The following NAALADL2 variants were observed in gnomAD, a reference collection of about 807,000 sequenced individuals.
NAALADL2 encodes the protein N-acetylated alpha-linked acidic dipeptidase like 2.
Under a neutral mutation model 87.2 loss-of-function variants are expected in NAALADL2, and 76 were observed. That is an observed-to-expected ratio of 0.87 (90% CI 0.72 to 1.05). The LOEUF is 1.05. Ranked by LOEUF, NAALADL2 falls within the 50% of genes least tolerant of loss-of-function variation. NAALADL2 has a pLI of 0.00. For synonymous variants in NAALADL2, 354 were observed against 331.0 expected (o/e 1.07, Z -0.75); for missense variants, 1,089 against 945.8 (o/e 1.15, Z -1.99).
At chr3:174,523,045 A>G (rs1720428850) in intron 1 of NAALADL2, among the ~76,000 whole-genome samples, 1 of 152,122 alleles carries the variant, frequency 6.6e-6, no homozygotes, top group Non-Finnish European at 1.5e-5. Flanking sequence ...CACTGCCTGT[A>G]AAACAGGAAA....
chr3:175,392,683 G>C (rs150127270), intron 5 of NAALADL2, among the ~76,000 whole-genome samples: 2 of 152,062 alleles, frequency 1.3e-5, no homozygotes, highest in African/African-American at 4.8e-5. Flanking sequence ...CTGCACCATC[G>C]ATTATGCCAG....
intron 9 of NAALADL2, among the ~76,000 whole-genome samples, chr3:175,559,350 A>G (rs533973568): frequency 6.6e-6 from 1 of 152,066 alleles, no homozygotes; most frequent in Non-Finnish European, 1.5e-5. Flanking sequence ...TGGAGTCTTT[A>G]GGTTTTTCTA....
chr3:175,656,933 A>T (rs1326590885), intron 11 of NAALADL2, among the ~76,000 whole-genome samples: 1 of 152,150 alleles, frequency 6.6e-6, no homozygotes, highest in Non-Finnish European at 1.5e-5. Context: ...ATAATTGAGC[A>T]CCTATGATGT....
chr3:175,532,827 G>A (rs933730356), intron 9 of NAALADL2, among the ~76,000 whole-genome samples: 3 of 152,148 alleles, frequency 2.0e-5, no homozygotes, highest in Admixed American at 2.0e-4. Context: ...GCAGAGAAGA[G>A]CAATTACAGG....
intron 4 of NAALADL2, among the ~76,000 whole-genome samples, chr3:175,295,749 C>CCTCTCT (rs138960653): frequency 3.1e-5 from 4 of 128,624 alleles, no homozygotes; most frequent in Non-Finnish European, 7.0e-5. Flanking sequence ...ACACACACTC[C>CCTCTCT]CTCTCTCTCT....
At chr3:174,522,127 G>A (rs1720342384) in intron 1 of NAALADL2, among the ~76,000 whole-genome samples, 1 of 151,896 alleles carries the variant, frequency 6.6e-6, no homozygotes, top group African/African-American at 2.4e-5. Context: ...CATGCACAAT[G>A]GCATTCTGTT....
At chr3:174,514,559 G>C (rs541102103) in intron 1 of NAALADL2, among the ~76,000 whole-genome samples, 7 of 152,214 alleles carry the variant, frequency 4.6e-5, no homozygotes, top group African/African-American at 1.4e-4. Context: ...CAGTTATTAA[G>C]TAGTCTTTTC....
chr3:175,005,954 G>C (rs1369112737), intron 1 of NAALADL2, among the ~76,000 whole-genome samples: 1 of 152,150 alleles, frequency 6.6e-6, no homozygotes, highest in Non-Finnish European at 1.5e-5. Context: ...TTGTCTAAAA[G>C]CAGTAAATAT....
chr3:175,612,859 G>A (rs376913690), intron 10 of NAALADL2, among the ~76,000 whole-genome samples: 8 of 151,934 alleles, frequency 5.3e-5, no homozygotes, highest in Non-Finnish European at 8.8e-5. Context: ...ATTTGTGTAC[G>A]TTCTGCATTC....
At chr3:175,107,460 T>C (rs1391931883) in intron 2 of NAALADL2, among the ~76,000 whole-genome samples, 1 of 151,748 alleles carries the variant, frequency 6.6e-6, no homozygotes, top group African/African-American at 2.4e-5. Flanking sequence ...GAGTCAACTC[T>C]TTAAAATAAA....
intron 5 of NAALADL2, among the ~76,000 whole-genome samples, chr3:175,373,072 C>T (rs773852829): frequency 2.0e-4 from 31 of 152,152 alleles, no homozygotes; most frequent in Non-Finnish European, 4.1e-4. Flanking sequence ...TGCAATTGAA[C>T]ATGCAACCAA....
intron 3 of NAALADL2, among the ~76,000 whole-genome samples, chr3:175,246,611 G>A (rs1056057295): frequency 6.6e-6 from 1 of 152,166 alleles, no homozygotes; most frequent in African/African-American, 2.4e-5. Context: ...CTGTACCGGG[G>A]TAATTTTCCT....
intron 13 of NAALADL2, among the ~76,000 whole-genome samples, chr3:175,798,296 G>T (rs561163635): frequency 6.7e-6 from 1 of 149,052 alleles, no homozygotes; most frequent in East Asian, 2.2e-4. Flanking sequence ...CAAAATGAAG[G>T]TTTTTTTAAA....
At chr3:175,679,293 A>G (rs981098393) in intron 11 of NAALADL2, among the ~76,000 whole-genome samples, 21 of 151,276 alleles carry the variant, frequency 1.4e-4, no homozygotes, top group African/African-American at 5.2e-4. Context: ...AAAAAAAAAA[A>G]AAGAATGTTA....
At chr3:175,612,308 T>C (rs1237109568) in intron 10 of NAALADL2, among the ~76,000 whole-genome samples, 2 of 152,150 alleles carry the variant, frequency 1.3e-5, no homozygotes, top group East Asian at 3.9e-4. Flanking sequence ...ATTTTACATA[T>C]TGGGCTTAAT....
At chr3:175,315,222 C>T (rs1312877185) in intron 4 of NAALADL2, among the ~76,000 whole-genome samples, 2 of 152,072 alleles carry the variant, frequency 1.3e-5, no homozygotes, top group African/African-American at 4.8e-5. Context: ...CTGTATCAGG[C>T]ACCTACCTTG....
chr3:175,657,868 G>C (rs1009998214), intron 11 of NAALADL2, among the ~76,000 whole-genome samples: 1 of 151,928 alleles, frequency 6.6e-6, no homozygotes, highest in Non-Finnish European at 1.5e-5. Context: ...GAGCCACCGT[G>C]CCTGGCCTCA....
chr3:175,342,046 A>G (rs1372720893), intron 5 of NAALADL2, among the ~76,000 whole-genome samples: 1 of 152,142 alleles, frequency 6.6e-6, no homozygotes, highest in Non-Finnish European at 1.5e-5. Flanking sequence ...TCCTTATACC[A>G]GTAATACACT....
intron 13 of NAALADL2, among the ~76,000 whole-genome samples, chr3:175,787,911 C>CT (rs536400190): frequency 1.3e-5 from 2 of 151,912 alleles, no homozygotes; most frequent in Non-Finnish European, 2.9e-5. Flanking sequence ...AGAAATAAAA[C>CT]TTTATTTTAT....
Sources: gnomAD v4.1 joint callset for allele counts (sites outside exome capture counted in the v4.1 genomes callset) on GRCh38, gnomAD v4.1.1 for gene constraint, MANE v1.5 for transcripts, NCBI Gene and HGNC (gene_info 2026-07-23, HGNC 2026-07-21) for gene names.